Variants in KRT28 observed in about 807,000 individuals in gnomAD.
The protein encoded by KRT28 is keratin 28.
Under a neutral mutation model 48.1 loss-of-function variants are expected in KRT28, and 45 were observed. The observed-to-expected ratio is 0.94, with a 90% confidence interval of 0.74 to 1.20. The LOEUF is 1.20. KRT28 is among the 50% of genes most tolerant of loss of function. The pLI is 0.00. For synonymous variants in KRT28, 228 were observed against 227.4 expected, an observed-to-expected ratio of 1.00 and a Z score of -0.03; for missense variants, 571 against 574.1, an observed-to-expected ratio of 0.99 and a Z score of 0.06.
Position 40,792,254 on chromosome 17 carries a change from CT to C in KRT28, c.*172del. 2.1e-6 allele frequency: 1 copy of C among 472,134 alleles called. No homozygotes were observed. The allele number at this position is 472,134 out of a possible 1,614,324, so 29.2% of individuals were successfully genotyped here. The stretch of plus-strand genomic sequence containing the variant: ...GTGAATGGAAATGAATGCACATCAA[CT>C]TTTTTATTTATTGGAAACAAACACT... On this transcript the variant is annotated 3_prime_UTR_variant, in exon 8 of 8. Coordinates refer to ENST00000306658, the MANE Select transcript of KRT28 (RefSeq NM_181535.3).
intron 5 of KRT28, 27 bp from the exon 6 acceptor site, chr17:40,794,073 A>G (rs917141327): frequency 2.5e-6 from 4 of 1,612,962 alleles, no homozygotes; most frequent in Non-Finnish European, 2.5e-6. Flanking sequence ...AGCCGTGGCA[A>G]GGGATGAAAA....
intron 5 of KRT28, among the ~76,000 whole-genome samples, chr17:40,795,228 G>A (rs899254251): frequency 2.6e-5 from 4 of 152,212 alleles, no homozygotes; most frequent in Non-Finnish European, 5.9e-5. Context: ...CAGGTAAGTG[G>A]AAGGAGATCA....
In KRT28 at chr17:40,794,044, T is replaced by C; in HGVS notation, c.981A>G (p.Lys327=). The C allele has an allele frequency of 6.2e-7, 1 of 1,613,860 alleles. No individual in the cohort carries two copies. Among genetic ancestry groups the C allele is most frequent in the South Asian group, 1.1e-5 (1 of 91,068 alleles). Residue 327 remains lysine, a splice_region_variant and synonymous_variant, in exon 6 of 8, where the codon AAA becomes AAG. Transcript: ENST00000306658. ...EIQLQSLMAT[K]HSLECSLTET... is the part of the protein sequence containing the mutation. ...CTGTCAAGGAGCACTCCAGGGAGTG[T>C]TTCTGAGGACATCAAAGAAGCCGTG... is the stretch of plus-strand genomic sequence containing the variant.
intron 7 of KRT28, among the ~76,000 whole-genome samples, 189 bp downstream of exon 7, chr17:40,792,966 G>C (rs916709829): frequency 6.6e-5 from 10 of 152,110 alleles, no homozygotes; most frequent in Non-Finnish European, 1.5e-5. Context: ...TGGGCATGGT[G>C]GTGGGTGCCT....
Position 40,799,556 on chromosome 17 carries a change from T to C in KRT28, c.338A>G (p.Glu113Gly). 6.2e-7 allele frequency: 1 copy of C among 1,614,164 alleles called. No individual in the cohort carries two copies. The highest frequency in any genetic ancestry group is 8.5e-7 in the Non-Finnish European group (1 of 1,180,028). The change falls in exon 1 of 8, where the codon GAA (glutamate) becomes GGA (glycine). Residue 113 changes from glutamate to glycine, a missense_variant. Physicochemically the swap from Glu to Gly is moderately conservative, Grantham distance 98. Transcript: ENST00000306658. The part of the protein sequence containing the change: ...NVRALEEANA[E>G]LERKIKGWYE... The stretch of plus-strand genomic sequence containing the variant: ...CCAACCCTTGATTTTTCTCTCTAAT[T>C]CAGCATTTGCCTCCTCCAGAGCTCG...
chr17:40,799,370 C>T, intron 1 of KRT28, 74 bp downstream of exon 1: 1 of 1,175,656 alleles, frequency 8.5e-7, no homozygotes, highest in East Asian at 2.4e-5. Context: ...TGAAGCATTT[C>T]TTATTGTATG....
In KRT28 at chr17:40,797,215, C is replaced by T. The variant is rs1382741849; in HGVS notation, c.757G>A (p.Val253Ile). 4.3e-6 allele frequency: 7 copies of T among 1,614,034 alleles called. No homozygotes were observed. The Admixed American group carries it at 5.0e-5, about 12-fold the overall frequency. ...TTGTTCAACAAAACCGCGAGGTCTACCCCCGGGGCCGCGTTCATCTCCACG... is the reference window on the plus strand; with the variant it reads ...TTGTTCAACAAAACCGCGAGGTCTATCCCCGGGGCCGCGTTCATCTCCACG... Reference protein sequence around the residue: ...VNVEMNAAPGVDLAVLLNNMR... With the variant: ...VNVEMNAAPGIDLAVLLNNMR... Residue 253 changes from valine (V) to isoleucine (I), a missense_variant, in exon 4 of 8, where the codon GTA becomes ATA. Physicochemically the swap from Val to Ile is conservative, Grantham distance 29. Transcript: ENST00000306658.
chr17:40,797,046 A>G lies in KRT28; in HGVS notation c.853-5T>C, dbSNP rs748512253. 6.2e-7 allele frequency: 1 copy of G among 1,610,938 alleles called. No individual in the cohort carries two copies. The highest frequency in any genetic ancestry group is 1.1e-5 in the South Asian group (1 of 90,660). On this transcript the variant is annotated splice_region_variant and splice_polypyrimidine_tract_variant and intron_variant, in intron 4 of 7. Coordinates refer to ENST00000306658, the MANE Select transcript of KRT28 (RefSeq NM_181535.3). Reference sequence around the variant, plus strand: ...CTGTTGCTGCAGCGAGGCGCTCTGTAGGGCCGGGAAAAAGGGTCACACGGA... The same window carrying G: ...CTGTTGCTGCAGCGAGGCGCTCTGTGGGGCCGGGAAAAAGGGTCACACGGA...
rs1555547017 is a variant in KRT28, at chr17:40,798,296, T to TGGTCG, written c.624_628dup (p.Gln210ProfsTer10). The TGGTCG allele has an allele frequency of 2.5e-6, 4 of 1,613,402 alleles. No homozygotes were observed. The South Asian group carries it at 4.4e-5, about 18-fold the overall frequency. ...ACTCAGAGACTCATATTGCAGCTCC[T>TGGTCG]GGTCGGTCCTGCAGAGCGTCAGCTC... On this transcript the variant is annotated frameshift_variant, in exon 3 of 8. Coordinates refer to ENST00000306658, the MANE Select transcript of KRT28 (RefSeq NM_181535.3). LOFTEE classifies it high-confidence loss of function.
In KRT28 at chr17:40,799,521, A is replaced by AT; in HGVS notation, c.372dup (p.Tyr125IlefsTer10). 1 of 1,614,110 alleles carries AT rather than the reference A, an allele frequency of 6.2e-7. No individual in the cohort carries two copies. The highest frequency in any genetic ancestry group is 8.5e-7 in the Non-Finnish European group (1 of 1,180,012). On this transcript the variant is annotated frameshift_variant, in exon 1 of 8. Transcript: ENST00000306658. LOFTEE classifies it high-confidence loss of function. ...AGTCCACGGCAAGATCCAGGTCCGT[A>AT]TTTTTCATACCAACCCTTGATTTTT... is the stretch of plus-strand genomic sequence containing the variant.
At position 40,796,992 on chromosome 17, in the gene KRT28, A is replaced by G. The variant is rs2143074641; in HGVS notation, c.902T>C (p.Phe301Ser). Reference protein sequence around the residue: ...QISHDSGAATFARSQLTEMRR... With the variant: ...QISHDSGAATSARSQLTEMRR... ...CATCTCGGTGAGCTGGCTCCGGGCG[A>G]AAGTGGCTGCGCCTGAGTCGTGGGA... Residue 301 changes from phenylalanine (F) to serine (S), a missense_variant, in exon 5 of 8, where the codon TTC (phenylalanine) becomes TCC (serine). By Grantham distance (155) the Phe-to-Ser change is radical. Transcript: ENST00000306658. The G allele has an allele frequency of 6.2e-7, 1 of 1,613,168 alleles. No individual in the cohort carries two copies.
At chr17:40,798,477 A>C in intron 2 of KRT28, 86 bp from the exon 3 acceptor site, 1 of 1,414,214 alleles carries the variant, frequency 7.1e-7, no homozygotes, top group Non-Finnish European at 9.6e-7. Flanking sequence ...TTAAACTGAA[A>C]ATTAGAAATT....
intron 2 of KRT28, 130 bp downstream of exon 2, chr17:40,798,787 T>C: frequency 1.5e-6 from 1 of 649,956 alleles, no homozygotes; most frequent in South Asian, 2.0e-5. Context: ...AACATTATAA[T>C]ACAAATCCTT....
In KRT28 at chr17:40,794,544, G is replaced by A. The variant is rs72824007; in HGVS notation, c.979-498C>T. ...CTTGATTTTCTAGCCTCTATCAAAG[G>A]TCTTTTATTAAGGTACCTGAGATTG... On this transcript the variant is annotated intron_variant, in intron 5 of 7. Transcript: ENST00000306658. Among the ~76,000 whole-genome samples, 1,314 of 151,894 alleles carry A rather than the reference G, an allele frequency of 8.7e-3. 8 individuals are homozygous for A. The highest frequency in any genetic ancestry group is 0.013 in the Non-Finnish European group (891 of 67,978).
Position 40,797,204 on chromosome 17 carries a change from C to T in KRT28, c.768G>A (p.Ala256=), listed in dbSNP as rs1904634028. 1 of 1,614,122 alleles carries T rather than the reference C, an allele frequency of 6.2e-7. No individual in the cohort carries two copies. The highest frequency in any genetic ancestry group is 1.6e-4 in the Middle Eastern group (1 of 6,062). Residue 256 remains alanine, a synonymous_variant, in exon 4 of 8, where the codon GCG becomes GCA. Coordinates refer to ENST00000306658, the MANE Select transcript of KRT28 (RefSeq NM_181535.3). The part of the protein sequence containing the change: ...EMNAAPGVDL[A]VLLNNMRAEY... ...CCGCTCGCATGTTGTTCAACAAAAC[C>T]GCGAGGTCTACCCCCGGGGCCGCGT...
rs371614922 is a variant in KRT28, at chr17:40,799,820, T to A, written c.74A>T (p.Asn25Ile). ...GCTGCCTGCAAAGCCTGCACCTCCA[T>A]TGAGGGGTCTGACAGATCCAGCTCC... ...RSGAGSVRPL[N>I]GGAGFAGSSA... is the part of the protein sequence containing the mutation. Residue 25 changes from asparagine to isoleucine, a missense_variant, in exon 1 of 8, where the codon AAT (asparagine) becomes ATT (isoleucine). By Grantham distance (149) the Asn-to-Ile change is moderately radical (BLOSUM62 -3). Transcript: ENST00000306658. The A allele has an allele frequency of 2.5e-6, 4 of 1,613,882 alleles. No individual in the cohort carries two copies.
Position 40,798,355 on chromosome 17 carries a change from C to G in KRT28, c.570G>C (p.Glu190Asp), listed in dbSNP as rs1276616259. 5.6e-6 allele frequency: 9 copies of G among 1,612,034 alleles called. No individual in the cohort carries two copies. The highest frequency in any genetic ancestry group is 7.6e-6 in the Non-Finnish European group (9 of 1,178,916). The change falls in exon 3 of 8, where the codon GAG becomes GAC. Residue 190 changes from glutamate (E) to aspartate (D), a missense_variant. Physicochemically the swap from Glu to Asp is conservative, Grantham distance 45 (BLOSUM62 2). Transcript: ENST00000306658. ...CTCGCCGTAATCCGTTGATGTCGGC[C>G]TCTACGTTTTGGTGAAGGGTGAGCT... ...ENELTLHQNVEADINGLRRVL... is the reference protein window; with the variant it reads ...ENELTLHQNVDADINGLRRVL...
At chr17:40,794,926 A>G (rs1007631820) in intron 5 of KRT28, among the ~76,000 whole-genome samples, 23 of 152,174 alleles carry the variant, frequency 1.5e-4, no homozygotes, top group African/African-American at 5.5e-4. Context: ...TGCCTCTTTC[A>G]TTACATTTTC....
chr17:40,795,433 A>C (rs376558577), intron 5 of KRT28, among the ~76,000 whole-genome samples: 37 of 152,130 alleles, frequency 2.4e-4, no homozygotes, highest in African/African-American at 8.4e-4. Flanking sequence ...GGCTTGTCAA[A>C]GAGGGAGGAG....
Sources: gnomAD v4.1 joint callset for allele counts (sites outside exome capture counted in the v4.1 genomes callset) on GRCh38, gnomAD v4.1.1 for gene constraint, MANE v1.5 for transcripts, NCBI Gene and HGNC (gene_info 2026-07-23, HGNC 2026-07-21) for gene names.